Variants in GFM2 observed in about 807,000 individuals in gnomAD.
GFM2 encodes ribosome-releasing factor 2, mitochondrial.
A neutral mutation model predicts 95.4 loss-of-function variants in GFM2; 72 were observed. That is an observed-to-expected ratio of 0.76 (90% confidence interval 0.62 to 0.92). The LOEUF (loss-of-function observed/expected upper bound fraction) is 0.92, where lower values mean the gene tolerates loss of function less well. GFM2 is among the 40% of genes least tolerant of loss of function. The pLI is 0.00. For missense variants in GFM2, 825 were observed against 924.1 expected (o/e 0.89, Z 1.39); for synonymous variants, 276 against 317.5 (o/e 0.87, Z 1.39).
intron 5 of GFM2, 86 bp from the exon 6 acceptor site, chr5:74,751,579 T>C: frequency 3.3e-6 from 3 of 912,750 alleles, no homozygotes; most frequent in South Asian, 1.8e-5. Flanking sequence ...CAGTTTAACC[T>C]GCCTTAAGAA....
Position 74,735,523 on chromosome 5 carries a change from GT to G in GFM2, c.1510+1272del, listed in dbSNP as rs374809642. Among the ~76,000 whole-genome samples, 76 of 152,252 alleles carry G rather than the reference GT, an allele frequency of 5.0e-4. No homozygotes were observed. The East Asian group carries it at 0.014, about 27-fold the overall frequency. On this transcript the variant is annotated intron_variant, in intron 15 of 20. Transcript: ENST00000296805. ...CTAATGCCACTTCTAGAACTAGAAGGTCTGTCCTTAAACAAACAGTCTAATA... is the reference window on the plus strand; with the variant it reads ...CTAATGCCACTTCTAGAACTAGAAGGCTGTCCTTAAACAAACAGTCTAATA...
intron 15 of GFM2, chr5:74,736,269 C>A: frequency 1.8e-6 from 1 of 567,790 alleles, no homozygotes; most frequent in Non-Finnish European, 2.2e-6. Context: ...GTTTTACATA[C>A]CACACTAAAG....
intron 16 of GFM2, among the ~76,000 whole-genome samples, chr5:74,730,976 G>C (rs1742534150): frequency 6.6e-6 from 1 of 152,028 alleles, no homozygotes; most frequent in South Asian, 2.1e-4. Flanking sequence ...ACCACACCTG[G>C]CTAATTTTGT....
chr5:74,730,347 T>A lies in GFM2; in HGVS notation c.1639A>T (p.Ile547Phe). 2.5e-6 allele frequency: 4 copies of A among 1,612,674 alleles called. No homozygotes were observed. The highest frequency in any genetic ancestry group is 3.4e-6 in the Non-Finnish European group (4 of 1,178,800). ...ELHIEIIHDR[I>F]KREYGLETYL... ...GTCTCCAGTCCATATTCCCTCTTGA[T>A]TCGATCATGAATAATCTCTATATGT... The change falls in exon 17 of 21, where the codon ATC (isoleucine) becomes TTC (phenylalanine). Residue 547 changes from isoleucine (I) to phenylalanine (F), a missense_variant. Ile to Phe is a conservative substitution (Grantham distance 21). Transcript: ENST00000296805.
chr5:74,764,148 G>A (rs776461634), intron 1 of GFM2, among the ~76,000 whole-genome samples: 1 of 152,126 alleles, frequency 6.6e-6, no homozygotes, highest in Admixed American at 6.5e-5. Context: ...TTTCTAATTG[G>A]CAGTAAAATT....
intron 12 of GFM2, 120 bp from the exon 13 acceptor site, chr5:74,738,762 A>C (rs747424095): frequency 1.2e-6 from 1 of 851,168 alleles, no homozygotes; most frequent in Non-Finnish European, 1.7e-6. Flanking sequence ...GAGCCACTAA[A>C]TAATGTCTTT....
In GFM2 at chr5:74,759,010, T is replaced by C. The variant is rs544105940; in HGVS notation, c.207-64A>G. 3.2e-6 allele frequency: 3 copies of C among 938,426 alleles called. No homozygotes were observed. In the South Asian group the frequency reaches 4.2e-5, roughly 13 times the overall value. The allele number at this position is 938,426 out of a possible 1,614,324, so 58.1% of individuals were successfully genotyped here. A position where few individuals can be genotyped will look rare whatever the true frequency, so the allele number is the denominator to read the frequency against. On this transcript the variant is annotated intron_variant, in intron 4 of 20. Coordinates refer to ENST00000296805, the MANE Select transcript of GFM2 (RefSeq NM_032380.5). ...TTGTAAAACCAAAGTATATATGCTATCCAAATTTCAAAGCTGGTATTTCTA... is the reference window on the plus strand; with the variant it reads ...TTGTAAAACCAAAGTATATATGCTACCCAAATTTCAAAGCTGGTATTTCTA...
rs200196786 is a variant in GFM2, at chr5:74,736,733, T to C, written c.1510+63A>G. 76 of 1,602,184 alleles carry C rather than the reference T, an allele frequency of 4.7e-5. No homozygotes were observed. In the African/African-American group the frequency reaches 6.8e-4, roughly 14 times the overall value. On this transcript the variant is annotated intron_variant, in intron 15 of 20. Coordinates refer to ENST00000296805, the MANE Select transcript of GFM2 (RefSeq NM_032380.5). ...ACATAAGAAATCTCTTGAGGGTATA[T>C]TGCAACTATTTTATATAAATTATCA...
intron 17 of GFM2, among the ~76,000 whole-genome samples, chr5:74,727,420 G>A (rs1750199282): frequency 6.6e-6 from 1 of 151,880 alleles, no homozygotes; most frequent in South Asian, 2.1e-4. Context: ...ATATGTATAC[G>A]GCAACTTTTT....
At chr5:74,725,247 A>C (rs192687922) in intron 19 of GFM2, 1 of 167,920 alleles carries the variant, frequency 6.0e-6, no homozygotes, top group East Asian at 1.7e-4. Flanking sequence ...AACTGGAACC[A>C]ATATTGGATC....
intron 16 of GFM2, 64 bp from the exon 17 acceptor site, chr5:74,730,462 T>C: frequency 1.8e-6 from 2 of 1,140,602 alleles, no homozygotes; most frequent in Non-Finnish European, 1.2e-6. Flanking sequence ...GAATACTATA[T>C]AAAAGTATGA....
intron 19 of GFM2, 200 bp from the exon 20 acceptor site, chr5:74,722,761 T>G: frequency 2.2e-6 from 1 of 458,756 alleles, no homozygotes; most frequent in East Asian, 3.8e-5. Context: ...TATGGTATGA[T>G]GCAAGGGGAT....
chr5:74,737,833 A>G (rs142926951), intron 14 of GFM2, among the ~76,000 whole-genome samples: 2,226 of 152,316 alleles, frequency 0.015, 13 homozygotes, highest in Admixed American at 0.022. Context: ...ACAATTATCT[A>G]TGGAGTGTCT....
In GFM2 at chr5:74,744,017, T is replaced by C. The variant is rs183372850; in HGVS notation, c.849+1661A>G. On this transcript the variant is annotated intron_variant, in intron 10 of 20. Coordinates refer to ENST00000296805, the MANE Select transcript of GFM2 (RefSeq NM_032380.5). ...ATGTTAATGATAAAGTTGCAATGAT[T>C]ACTACATACAGTCAGGAATCAGTTA... Among the ~76,000 whole-genome samples the C allele has an allele frequency of 4.3e-4, 66 of 152,346 alleles. No individual in the cohort carries two copies. In the East Asian group the frequency reaches 0.011, roughly 26 times the overall value.
intron 16 of GFM2, among the ~76,000 whole-genome samples, chr5:74,731,378 AG>A (rs1742553071): frequency 6.6e-6 from 1 of 152,204 alleles, no homozygotes; most frequent in Non-Finnish European, 1.5e-5. Flanking sequence ...AATCTATGGA[AG>A]GGACTGGAGA....
intron 2 of GFM2, among the ~76,000 whole-genome samples, chr5:74,761,472 G>A (rs1037767913): frequency 2.0e-5 from 3 of 152,154 alleles, no homozygotes; most frequent in African/African-American, 7.2e-5. Flanking sequence ...CTCTACATCT[G>A]CTGAAAGGTC....
chr5:74,748,904 TAAAATAAAAA>T (rs1580003035), intron 7 of GFM2, among the ~76,000 whole-genome samples: 1 of 106,436 alleles, frequency 9.4e-6, no homozygotes, highest in African/African-American at 3.7e-5. Flanking sequence ...TAAAATAAAA[TAAAATAAAAA>T]AATAAAAAAA....
intron 19 of GFM2, 43 bp downstream of exon 19, chr5:74,725,597 G>T: frequency 7.6e-7 from 1 of 1,323,308 alleles, no homozygotes; most frequent in Admixed American, 1.7e-5. Context: ...ACTATACTCA[G>T]AAGAGTCACC....
intron 1 of GFM2, among the ~76,000 whole-genome samples, chr5:74,765,834 T>C (rs2112390682): frequency 6.7e-6 from 1 of 149,800 alleles, no homozygotes; most frequent in Admixed American, 6.6e-5. Flanking sequence ...CCATCTCTAC[T>C]AAAAATACAA....
Sources: gnomAD v4.1 joint callset for allele counts (sites outside exome capture counted in the v4.1 genomes callset) on GRCh38, gnomAD v4.1.1 for gene constraint, MANE v1.5 for transcripts, NCBI Gene and HGNC (gene_info 2026-07-23, HGNC 2026-07-21) for gene names.